CALD1: variants seen among roughly 807,000 people sequenced by gnomAD.
The protein encoded by CALD1 is caldesmon.
CALD1 carries 33 observed loss-of-function variants against 99.9 expected under a neutral mutation model. That is an observed-to-expected ratio of 0.33 (90% CI 0.25 to 0.44). The LOEUF (loss-of-function observed/expected upper bound fraction) is 0.44, where lower values mean the gene tolerates loss of function less well. Ranked by LOEUF, CALD1 falls within the 20% of genes least tolerant of loss-of-function variation. The pLI is 1.00. For missense variants in CALD1, 861 were observed against 962.1 expected, an observed-to-expected ratio of 0.89 and a Z score of 1.39; for synonymous variants, 310 against 325.0, an observed-to-expected ratio of 0.95 and a Z score of 0.50.
chr7:134,856,430 C>T (rs1408491575), intron 2 of CALD1, among the ~76,000 whole-genome samples: 1 of 152,134 alleles, frequency 6.6e-6, no homozygotes, highest in Non-Finnish European at 1.5e-5. Flanking sequence ...AGAACGGTGC[C>T]TTATGTTTCT....
intron 1 of CALD1, among the ~76,000 whole-genome samples, chr7:134,840,565 A>C (rs1205555530): frequency 1.3e-5 from 2 of 152,222 alleles, no homozygotes; most frequent in East Asian, 1.9e-4. Context: ...GCAGATACCT[A>C]CGTCAGTCTA....
intron 1 of CALD1, among the ~76,000 whole-genome samples, chr7:134,819,250 T>A (rs1798676735): frequency 1.3e-5 from 2 of 152,220 alleles, no homozygotes; most frequent in Non-Finnish European, 2.9e-5. Context: ...CTTGCTGACC[T>A]AACTCCTAGT....
chr7:134,716,212 T>C, the CALD1 span, among the ~76,000 whole-genome samples: 1 of 152,184 alleles, frequency 6.6e-6, no homozygotes, highest in Non-Finnish European at 1.5e-5. Flanking sequence ...TCTAAGTAGA[T>C]GTACTCTGAG....
intron 3 of CALD1, among the ~76,000 whole-genome samples, chr7:134,895,430 A>T (rs1020074942): frequency 2.0e-5 from 3 of 152,002 alleles, no homozygotes; most frequent in Non-Finnish European, 4.4e-5. Context: ...AGCTGTCCTT[A>T]TGAACATAGT....
At chr7:134,890,635 G>A (rs1185684967) in intron 3 of CALD1, among the ~76,000 whole-genome samples, 3 of 152,180 alleles carry the variant, frequency 2.0e-5, no homozygotes, top group Admixed American at 6.5e-5. Context: ...AAGCTGAGAC[G>A]GAGTGTCATC....
chr7:134,886,609 T>A (rs1801861215), intron 3 of CALD1, among the ~76,000 whole-genome samples: 1 of 152,212 alleles, frequency 6.6e-6, no homozygotes, highest in African/African-American at 2.4e-5. Context: ...ATTAAAAGGA[T>A]GGAAAATAGG....
In CALD1 at chr7:134,871,300, C is replaced by A. The variant is rs566885771; in HGVS notation, c.71+3496C>A. On this transcript the variant is annotated intron_variant, in intron 3 of 14. Transcript: ENST00000361675. ...TGAGCCCAGATGGGAGAAGACTTAA[C>A]TTCTCTTTGAATTTAGGGAACTAAA... Among the ~76,000 whole-genome samples the A allele has an allele frequency of 1.9e-4, 29 of 152,290 alleles. No individual in the cohort carries two copies. The South Asian group carries it at 6.0e-3, about 32-fold the overall frequency.
chr7:134,742,674 G>A (rs903902993), upstream of CALD1, among the ~76,000 whole-genome samples: 2 of 152,200 alleles, frequency 1.3e-5, no homozygotes, highest in Admixed American at 1.3e-4. Flanking sequence ...GATTAAAGGA[G>A]AAACAGCGGT....
At chr7:134,735,563 CTCTGTGTG>C in the CALD1 span, among the ~76,000 whole-genome samples, 15 of 138,280 alleles carry the variant, frequency 1.1e-4, no homozygotes, top group Admixed American at 5.1e-4. Context: ...CCCCACTACC[CTCTGTGTG>C]TGTGTGTGTG....
intron 6 of CALD1, 79 bp downstream of exon 6, chr7:134,935,844 T>C (rs1805931498): frequency 1.4e-6 from 2 of 1,416,786 alleles, no homozygotes; most frequent in South Asian, 2.7e-5. Flanking sequence ...GGTCTGATGA[T>C]CTCAAAATTG....
chr7:134,878,523 C>T (rs1015093890), intron 3 of CALD1, among the ~76,000 whole-genome samples: 1 of 152,020 alleles, frequency 6.6e-6, no homozygotes, highest in South Asian at 2.1e-4. Flanking sequence ...GAGCCGAGAT[C>T]GCACCACTGC....
chr7:134,808,852 T>G (rs1053340357), intron 1 of CALD1, among the ~76,000 whole-genome samples: 2 of 152,214 alleles, frequency 1.3e-5, no homozygotes, highest in African/African-American at 2.4e-5. Flanking sequence ...TTAGAATTAA[T>G]TTACATATAT....
At chr7:134,892,665 C>T (rs765726030) in intron 3 of CALD1, among the ~76,000 whole-genome samples, 3 of 152,186 alleles carry the variant, frequency 2.0e-5, no homozygotes, top group African/African-American at 7.2e-5. Flanking sequence ...TGGTTATTCA[C>T]GTGGGAGAGC....
At chr7:134,965,206 A>C (rs1584694464) in intron 13 of CALD1, 100 bp from the exon 14 acceptor site, 3 of 732,204 alleles carry the variant, frequency 4.1e-6, no homozygotes, top group Non-Finnish European at 7.6e-6. Flanking sequence ...ATTAAACAAC[A>C]AACTGATTCA....
At position 134,783,110 on chromosome 7, in the gene CALD1, C is replaced by T. The variant is rs912732154; in HGVS notation, c.-130+3361C>T. 6.6e-6 allele frequency among the ~76,000 whole-genome samples: 1 copy of T among 152,156 alleles called. No homozygotes were observed. The highest frequency in any genetic ancestry group is 1.5e-5 in the Non-Finnish European group (1 of 68,026). On this transcript the variant is annotated intron_variant, in intron 1 of 14. Transcript: ENST00000361675. The surrounding 1 kb of genome is among the most constrained non-coding windows in gnomAD (Gnocchi z 4.3). ...CCTCCAGCCAAAAGCATGGAATGAA[C>T]CCCGGAACGTCATGCCTGGGCCTTG...
In CALD1 at chr7:134,941,226, G is replaced by A; in HGVS notation, c.1521G>A (p.Glu507=). ...EFMTHKLKHT[E]NTFSRPGGRA... is the part of the protein sequence containing the mutation. The stretch of plus-strand genomic sequence containing the variant: ...TGACCCACAAACTTAAACATACTGA[G>A]AATACTTTCAGGTAAGAAGTAGCAA... The change falls in exon 7 of 15, where the codon GAG becomes GAA. Residue 507 remains glutamate, a synonymous_variant. Transcript: ENST00000361675. The A allele has an allele frequency of 6.3e-7, 1 of 1,597,510 alleles. No individual in the cohort carries two copies. The highest frequency in any genetic ancestry group is 8.5e-7 in the Non-Finnish European group (1 of 1,174,972).
chr7:134,961,921 C>G (rs1301512192), intron 13 of CALD1: 1 of 151,990 alleles, frequency 6.6e-6, no homozygotes, highest in African/African-American at 2.4e-5. Flanking sequence ...TGATTATTAA[C>G]CCTTTTTGAA....
intron 1 of CALD1, among the ~76,000 whole-genome samples, chr7:134,828,405 T>C (rs899040270): frequency 2.0e-5 from 3 of 152,162 alleles, no homozygotes; most frequent in Non-Finnish European, 2.9e-5. Flanking sequence ...TTGGAGAGAT[T>C]TGGGTATTTG....
intron 1 of CALD1, among the ~76,000 whole-genome samples, chr7:134,804,911 A>C (rs1798079395): frequency 1.3e-5 from 2 of 152,232 alleles, no homozygotes; most frequent in Admixed American, 1.3e-4. Flanking sequence ...AGGGGAGATC[A>C]AAGTTTTATT....
Sources: gnomAD v4.1 joint callset for allele counts (sites outside exome capture counted in the v4.1 genomes callset) on GRCh38, gnomAD v4.1.1 for gene constraint, Gnocchi (gnomAD v3.1) non-coding constraint, MANE v1.5 for transcripts, NCBI Gene and HGNC (gene_info 2026-07-23, HGNC 2026-07-21) for gene names.